Variants in GPC3 observed in about 807,000 individuals in gnomAD.
GPC3 encodes the protein glypican-3.
GPC3 carries 3 observed loss-of-function variants against 34.4 expected under a neutral mutation model. That is an observed-to-expected ratio of 0.09 (90% CI 0.04 to 0.23). GPC3 has a LOEUF of 0.23. Among genes scored for constraint, GPC3 ranks in the 10% least tolerant of loss-of-function variants. The pLI, the probability that GPC3 is intolerant of heterozygous loss-of-function variation, is 1.00. For missense variants in GPC3, 351 were observed against 445.6 expected (o/e 0.79, Z 1.91); for synonymous variants, 177 against 174.0 (o/e 1.02, Z -0.13).
chrX:133,643,975 C>T (rs1299053492), intron 6 of GPC3, among the ~76,000 whole-genome samples: 2 of 108,916 alleles, frequency 1.8e-5, no homozygotes, highest in Non-Finnish European at 3.8e-5. Flanking sequence ...TTACAGGTGC[C>T]CACCACCATG....
intron 2 of GPC3, among the ~76,000 whole-genome samples, chrX:133,916,654 A>T (rs1035481203): frequency 9.0e-6 from 1 of 111,356 alleles, no homozygotes; most frequent in Non-Finnish European, 1.9e-5. Flanking sequence ...AAAAGCAGGG[A>T]GATCACTGGA....
At chrX:133,577,202 G>A (rs1463493929) in intron 7 of GPC3, among the ~76,000 whole-genome samples, 5 of 112,311 alleles carry the variant, frequency 4.5e-5, no homozygotes. Context: ...CAGATAGCAA[G>A]AGAGTCAGAC....
At chrX:133,551,964 T>C (rs2069437327) in intron 7 of GPC3, among the ~76,000 whole-genome samples, 1 of 112,855 alleles carries the variant, frequency 8.9e-6, no homozygotes, top group Non-Finnish European at 1.9e-5. Flanking sequence ...TGGCTTTGTC[T>C]TTCCCCTAAG....
intron 2 of GPC3, among the ~76,000 whole-genome samples, chrX:133,864,890 A>C (rs1441982710): frequency 2.7e-5 from 3 of 112,689 alleles, no homozygotes; most frequent in Non-Finnish European, 5.6e-5. Flanking sequence ...TAAATAGCTT[A>C]TGGAAACATA....
At chrX:133,765,421 G>A (rs2071835898) in intron 2 of GPC3, among the ~76,000 whole-genome samples, 1 of 111,795 alleles carries the variant, frequency 8.9e-6, no homozygotes, top group South Asian at 3.7e-4. Flanking sequence ...GAAAGATTCT[G>A]CACCTTAAAA....
chrX:133,758,551 G>T (rs975752806), intron 2 of GPC3, among the ~76,000 whole-genome samples: 3 of 110,681 alleles, frequency 2.7e-5, no homozygotes, highest in African/African-American at 9.9e-5. Context: ...GCTTGTTGAG[G>T]CAGGGAGGGA....
chrX:133,565,366 G>A (rs1180514320), intron 7 of GPC3, among the ~76,000 whole-genome samples: 3 of 112,004 alleles, frequency 2.7e-5, no homozygotes, highest in Non-Finnish European at 5.6e-5. Flanking sequence ...CCTCACAACT[G>A]TTCACAGAAT....
chrX:133,871,131 C>T (rs992382260), intron 2 of GPC3, among the ~76,000 whole-genome samples: 2 of 111,465 alleles, frequency 1.8e-5, no homozygotes, highest in Non-Finnish European at 3.8e-5. Context: ...GACAGCTCCC[C>T]GTAAGCAGGT....
At chrX:133,767,875 A>T (rs1430351813) in intron 2 of GPC3, among the ~76,000 whole-genome samples, 1 of 107,490 alleles carries the variant, frequency 9.3e-6, no homozygotes, top group Non-Finnish European at 1.9e-5. Context: ...TTCTATAAAC[A>T]TTATAAAATG....
intron 2 of GPC3, among the ~76,000 whole-genome samples, chrX:133,839,245 T>C (rs1168317949): frequency 8.9e-6 from 1 of 111,890 alleles, no homozygotes; most frequent in Non-Finnish European, 1.9e-5. Context: ...TTTCATCTCC[T>C]AGCCCCCAAA....
At chrX:133,781,733 G>C (rs1222278668) in intron 2 of GPC3, among the ~76,000 whole-genome samples, 1 of 111,268 alleles carries the variant, frequency 9.0e-6, no homozygotes, top group Non-Finnish European at 1.9e-5. Flanking sequence ...AATGGCCAAA[G>C]CTACCCTTTA....
chrX:133,587,032 G>T (rs757791859), intron 7 of GPC3, among the ~76,000 whole-genome samples: 2 of 111,354 alleles, frequency 1.8e-5, no homozygotes, highest in South Asian at 7.6e-4. Flanking sequence ...TCCTACAGTG[G>T]TTCTAGAACA....
At chrX:133,710,619 G>A (rs1172728737) in intron 3 of GPC3, among the ~76,000 whole-genome samples, 1 of 111,577 alleles carries the variant, frequency 9.0e-6, no homozygotes, top group African/African-American at 3.3e-5. Flanking sequence ...AATTGGGTCC[G>A]GTCTGCTCTG....
At chrX:133,906,746 G>C (rs1322022264) in intron 2 of GPC3, among the ~76,000 whole-genome samples, 1 of 111,885 alleles carries the variant, frequency 8.9e-6, no homozygotes, top group African/African-American at 3.2e-5. Context: ...TCTGCAAAAG[G>C]TGCCTGGCTC....
At chrX:133,574,641 GCTGA>G (rs1254324928) in intron 7 of GPC3, among the ~76,000 whole-genome samples, 1 of 112,208 alleles carries the variant, frequency 8.9e-6, no homozygotes, top group African/African-American at 3.2e-5. Context: ...TGCCAGCAAA[GCTGA>G]CTGTGAATTA....
chrX:133,740,334 T>A lies in GPC3; in HGVS notation c.1032+13148A>T, dbSNP rs1295290949. ...CTTTCACTCTCTGTGATCTGGGAAT[T>A]GTTAACATCCTTTTCAGACTGATAG... On this transcript the variant is annotated intron_variant, in intron 3 of 7. Transcript: ENST00000370818. 4.5e-5 allele frequency among the ~76,000 whole-genome samples: 5 copies of A among 112,347 alleles called. No individual in the cohort carries two copies. In the East Asian group the frequency reaches 1.4e-3, roughly 31 times the overall value.
At chrX:133,704,423 A>C (rs2071196303) in intron 3 of GPC3, 1 of 317,652 alleles carries the variant, frequency 3.1e-6, no homozygotes. Flanking sequence ...GTTTAATATA[A>C]GTTTTACGTC....
intron 2 of GPC3, among the ~76,000 whole-genome samples, chrX:133,836,197 G>A (rs770820514): frequency 3.1e-4 from 35 of 113,265 alleles, no homozygotes; most frequent in Non-Finnish European, 6.0e-4. Context: ...CCTAGAATCC[G>A]GCAAGAAAAC....
intron 1 of GPC3, among the ~76,000 whole-genome samples, chrX:133,964,269 CT>C (rs1341260823): frequency 2.7e-5 from 3 of 111,860 alleles, no homozygotes; most frequent in African/African-American, 9.7e-5. Flanking sequence ...AAGGCTTTTG[CT>C]TCACAGATGT....
Sources: allele counts gnomAD v4.1 joint callset (sites outside exome capture counted in the v4.1 genomes callset), GRCh38; gene constraint gnomAD v4.1.1; transcripts MANE v1.5; gene names NCBI Gene and HGNC (gene_info 2026-07-23, HGNC 2026-07-21).